EFR3B: variants seen among roughly 807,000 people sequenced by gnomAD.
EFR3B encodes the protein EFR3 homolog B, also known as protein EFR3 homolog B.
Under a neutral mutation model 104.7 loss-of-function variants are expected in EFR3B, and 64 were observed. The ratio of observed to expected loss-of-function variants is 0.61; its 90% confidence interval spans 0.50 to 0.75. EFR3B has a LOEUF of 0.75. Among genes scored for constraint, EFR3B ranks in the 30% least tolerant of loss-of-function variants. The pLI, the probability that EFR3B is intolerant of heterozygous loss-of-function variation, is 0.00. For missense variants in EFR3B, 750 were observed against 1,078.5 expected (o/e 0.70, Z 4.27); for synonymous variants, 385 against 417.9 (o/e 0.92, Z 0.96).
intron 10 of EFR3B, 100 bp downstream of exon 10, chr2:25,132,011 G>A: frequency 4.7e-6 from 4 of 850,846 alleles, no homozygotes; most frequent in East Asian, 5.3e-5. Flanking sequence ...AGACTGAGGC[G>A]CAGGGCGGGG....
chr2:25,142,944 T>TAAAAA (rs767559729), intron 17 of EFR3B, among the ~76,000 whole-genome samples: 3 of 109,288 alleles, frequency 2.7e-5, no homozygotes, highest in African/African-American at 6.9e-5. Context: ...ACCCTGTCTT[T>TAAAAA]AAAAAAAAAA....
rs5829961 is a variant in EFR3B, at chr2:25,124,277, AGTGTGTGTGTGTGTGTGTGTGTGT to A, written c.485+2515_485+2538del. Among the ~76,000 whole-genome samples the A allele has an allele frequency of 0.028, 3,531 of 124,896 alleles. 279 individuals carry two copies. The East Asian group carries it at 0.34, about 12-fold the overall frequency. The allele number at this position is 124,896 out of a possible 152,430, so 81.9% of individuals were successfully genotyped here. On this transcript the variant is annotated intron_variant, in intron 5 of 22. Coordinates refer to ENST00000403714, the MANE Select transcript of EFR3B (RefSeq NM_014971.2). ...GTCCAGCAGTGGGCCTGTGCATGCA[AGTGTGTGTGTGTGTGTGTGTGTGT>A]GTGTGTGTGTGTGTGTGTGTGTGTG...
chr2:25,126,179 C>T (rs1473613392), intron 5 of EFR3B, among the ~76,000 whole-genome samples: 1 of 152,062 alleles, frequency 6.6e-6, no homozygotes, highest in Non-Finnish European at 1.5e-5. Flanking sequence ...AAATTGGGAG[C>T]CTTTCATTTC....
At chr2:25,134,872 A>G (rs1227603843) in intron 12 of EFR3B, among the ~76,000 whole-genome samples, 1 of 152,256 alleles carries the variant, frequency 6.6e-6, no homozygotes, top group African/African-American at 2.4e-5. Flanking sequence ...ATATGGATTT[A>G]ACAGTAAAGG....
chr2:25,071,830 C>T (rs1031758311), intron 1 of EFR3B, among the ~76,000 whole-genome samples: 1 of 152,182 alleles, frequency 6.6e-6, no homozygotes, highest in Non-Finnish European at 1.5e-5. Context: ...TTACAAACAT[C>T]CTGGTGAAGT....
intron 12 of EFR3B, among the ~76,000 whole-genome samples, chr2:25,133,983 G>A (rs1411479506): frequency 2.6e-5 from 4 of 152,158 alleles, no homozygotes; most frequent in Admixed American, 2.6e-4. Context: ...GTTTTAAGCT[G>A]TTAGCCTGAG....
intron 1 of EFR3B, among the ~76,000 whole-genome samples, chr2:25,086,618 A>T (rs80148290): frequency 6.6e-6 from 1 of 152,134 alleles, no homozygotes; most frequent in Non-Finnish European, 1.5e-5. Context: ...ATTGAGACAG[A>T]GTCTTGCTCT....
At chr2:25,057,459 C>T (rs1457611795) in intron 1 of EFR3B, among the ~76,000 whole-genome samples, 1 of 151,974 alleles carries the variant, frequency 6.6e-6, no homozygotes, top group Non-Finnish European at 1.5e-5. Context: ...ACGTTATTCT[C>T]TTATATCCCA....
At chr2:25,089,483 T>C (rs17046839) in intron 1 of EFR3B, among the ~76,000 whole-genome samples, 1 of 152,100 alleles carries the variant, frequency 6.6e-6, no homozygotes, top group African/African-American at 2.4e-5. Context: ...AAAGGGCCAA[T>C]GTTCCTGGTT....
chr2:25,112,351 ATGGTGTCC>A (rs1669744857), intron 4 of EFR3B, among the ~76,000 whole-genome samples: 1 of 152,250 alleles, frequency 6.6e-6, no homozygotes, highest in Non-Finnish European at 1.5e-5. Flanking sequence ...GCCAGCAGGG[ATGGTGTCC>A]TGGGGCCAGC....
At chr2:25,124,452 C>G in intron 5 of EFR3B, among the ~76,000 whole-genome samples, 1 of 151,938 alleles carries the variant, frequency 6.6e-6, no homozygotes, top group Non-Finnish European at 1.5e-5. Context: ...TAGGGCCGGG[C>G]GCAGTGGCTC....
chr2:25,130,648 G>A lies in EFR3B; in HGVS notation c.849+18G>A. 1.3e-6 allele frequency: 2 copies of A among 1,547,186 alleles called. No homozygotes were observed. The highest frequency in any genetic ancestry group is 1.7e-6 in the Non-Finnish European group (2 of 1,142,984). On this transcript the variant is annotated intron_variant, in intron 8 of 22. Transcript: ENST00000403714. This position sits in a 1 kb window ranked among gnomAD's most constrained non-coding sequence, Gnocchi z 4.6. ...CAATTCAGGTATGGTGGCTCCCCTGGGCCAGCCGGATCCCAGGACAAAGGC... is the reference window on the plus strand; with the variant it reads ...CAATTCAGGTATGGTGGCTCCCCTGAGCCAGCCGGATCCCAGGACAAAGGC...
intron 1 of EFR3B, among the ~76,000 whole-genome samples, chr2:25,044,989 G>A (rs919075416): frequency 3.9e-5 from 6 of 152,174 alleles, no homozygotes; most frequent in African/African-American, 1.2e-4. Context: ...TCAGGCAAGT[G>A]GAATTGTCAC....
intron 1 of EFR3B, among the ~76,000 whole-genome samples, chr2:25,060,589 T>G (rs201952435): frequency 1.3e-5 from 2 of 151,976 alleles, no homozygotes; most frequent in Non-Finnish European, 2.9e-5. Context: ...TAATGGCAAA[T>G]GGGCTTTTCA....
In EFR3B at chr2:25,145,073, C is replaced by T. The variant is rs181705581; in HGVS notation, c.2142+22C>T. Reference sequence around the variant, plus strand: ...GGAGGTGAGTGTCCGTGCCACCGTCCTGGGGCAGCCCCACCTCCTGTAGAT... The same window carrying T: ...GGAGGTGAGTGTCCGTGCCACCGTCTTGGGGCAGCCCCACCTCCTGTAGAT... On this transcript the variant is annotated intron_variant, in intron 19 of 22. Transcript: ENST00000403714. The T allele has an allele frequency of 6.5e-6, 10 of 1,550,280 alleles. No homozygotes were observed. The African/African-American group carries it at 1.4e-4, about 21-fold the overall frequency.
chr2:25,052,089 A>G (rs1476363566), intron 1 of EFR3B, among the ~76,000 whole-genome samples: 1 of 151,830 alleles, frequency 6.6e-6, no homozygotes, highest in East Asian at 2.0e-4. Context: ...CCAGCTACTC[A>G]GGAGGCTGAG....
At chr2:25,080,574 A>G in intron 1 of EFR3B, 1 of 515,046 alleles carries the variant, frequency 1.9e-6, no homozygotes. Context: ...GATTACAGGC[A>G]TGAGCCACCA....
At chr2:25,141,040 CAAA>C (rs78559860) in intron 16 of EFR3B, among the ~76,000 whole-genome samples, 2 of 74,384 alleles carry the variant, frequency 2.7e-5, no homozygotes, top group Non-Finnish European at 2.6e-5. Flanking sequence ...GACTCCGTCT[CAAA>C]AAAAAAAAAA....
chr2:25,110,585 C>T (rs1164097518), intron 4 of EFR3B, among the ~76,000 whole-genome samples: 3 of 152,154 alleles, frequency 2.0e-5, no homozygotes, highest in Non-Finnish European at 4.4e-5. Flanking sequence ...ATTCTTTCTG[C>T]CCCTTCCCCA....
Sources: allele counts gnomAD v4.1 joint callset (sites outside exome capture counted in the v4.1 genomes callset), GRCh38; gene constraint gnomAD v4.1.1; non-coding constraint Gnocchi (gnomAD v3.1); transcripts MANE v1.5; gene names NCBI Gene and HGNC (gene_info 2026-07-23, HGNC 2026-07-21).